Variants in TMPRSS11D observed in about 807,000 individuals in gnomAD.
The protein encoded by TMPRSS11D is transmembrane serine protease 11D, also known as transmembrane protease serine 11D.
A neutral mutation model predicts 44.4 loss-of-function variants in TMPRSS11D; 32 were observed. That is an observed-to-expected ratio of 0.72 (90% confidence interval 0.54 to 0.97). The LOEUF (loss-of-function observed/expected upper bound fraction) is 0.97. Ranked by LOEUF, TMPRSS11D falls within the 50% of genes least tolerant of loss-of-function variation. The pLI is 0.00. For synonymous variants in TMPRSS11D, 179 were observed against 177.9 expected (o/e 1.01, Z -0.05); for missense variants, 446 against 502.6 (o/e 0.89, Z 1.08).
intron 9 of TMPRSS11D, among the ~76,000 whole-genome samples, chr4:67,822,743 A>T (rs1717680736): frequency 6.6e-6 from 1 of 152,188 alleles, no homozygotes; most frequent in Non-Finnish European, 1.5e-5. Context: ...TCAGTCACCG[A>T]GTGGTTGCCT....
Position 67,859,693 on chromosome 4 carries a change from A to G in TMPRSS11D, c.9-15T>C. On this transcript the variant is annotated splice_polypyrimidine_tract_variant and intron_variant, in intron 1 of 9. Coordinates refer to ENST00000283916, the MANE Select transcript of TMPRSS11D (RefSeq NM_004262.3). ...CACGTGCTGGCCTTACAAGAGAGAGAGATCAAAGAAAGTCATTCATTTCAC... is the reference window on the plus strand; with the variant it reads ...CACGTGCTGGCCTTACAAGAGAGAGGGATCAAAGAAAGTCATTCATTTCAC... The G allele has an allele frequency of 5.0e-6, 8 of 1,611,260 alleles. No homozygotes were observed. The highest frequency in any genetic ancestry group is 6.8e-6 in the Non-Finnish European group (8 of 1,178,124).
intron 5 of TMPRSS11D, among the ~76,000 whole-genome samples, chr4:67,836,979 G>A (rs974763969): frequency 2.6e-5 from 4 of 152,024 alleles, no homozygotes; most frequent in Admixed American, 6.6e-5. Context: ...TCCCAAGCAC[G>A]CTGGTCTCTT....
At chr4:67,882,256 A>C (rs1719337455) in intron 1 of TMPRSS11D, among the ~76,000 whole-genome samples, 1 of 152,196 alleles carries the variant, frequency 6.6e-6, no homozygotes, top group South Asian at 2.1e-4. Flanking sequence ...AAATTATGCC[A>C]AAATTACCTA....
intron 4 of TMPRSS11D, among the ~76,000 whole-genome samples, chr4:67,840,890 A>T (rs1206323576): frequency 6.6e-6 from 1 of 152,206 alleles, no homozygotes; most frequent in Non-Finnish European, 1.5e-5. Flanking sequence ...ATAGGAAAAC[A>T]TACTCATTGA....
At chr4:67,828,897 G>T (rs971239657) in intron 7 of TMPRSS11D, among the ~76,000 whole-genome samples, 1 of 152,068 alleles carries the variant, frequency 6.6e-6, no homozygotes, top group East Asian at 1.9e-4. Context: ...AAGGGTCAGT[G>T]AAAAATAACA....
At chr4:67,863,055 T>A (rs1022153515) in intron 1 of TMPRSS11D, among the ~76,000 whole-genome samples, 2 of 147,642 alleles carry the variant, frequency 1.4e-5, no homozygotes, top group Admixed American at 1.4e-4. Flanking sequence ...TAAAAAAATA[T>A]ATATAAAATA....
intron 9 of TMPRSS11D, among the ~76,000 whole-genome samples, chr4:67,823,271 A>G (rs1717697753): frequency 6.6e-6 from 1 of 152,190 alleles, no homozygotes; most frequent in African/African-American, 2.4e-5. Context: ...AGTCATAAGC[A>G]AAACACTCCT....
At chr4:67,872,678 A>C (rs949668423) in intron 1 of TMPRSS11D, among the ~76,000 whole-genome samples, 2 of 152,224 alleles carry the variant, frequency 1.3e-5, no homozygotes, top group East Asian at 3.8e-4. Flanking sequence ...TAACAAAATT[A>C]CCAAGTTTCC....
At chr4:67,882,864 GT>G (rs59700677) in intron 1 of TMPRSS11D, among the ~76,000 whole-genome samples, 15,422 of 151,500 alleles carry the variant, frequency 0.1, 991 homozygotes, top group African/African-American at 0.18. Context: ...TTTGTGATTT[GT>G]TTTTTTCACA....
intron 3 of TMPRSS11D, among the ~76,000 whole-genome samples, chr4:67,844,612 A>G (rs1188104542): frequency 1.3e-5 from 2 of 151,674 alleles, no homozygotes; most frequent in Non-Finnish European, 2.9e-5. Context: ...TGTCTCTCCT[A>G]AAAATACAAA....
intron 1 of TMPRSS11D, among the ~76,000 whole-genome samples, chr4:67,872,098 AT>A: frequency 6.6e-6 from 1 of 152,140 alleles, no homozygotes; most frequent in Admixed American, 6.5e-5. Context: ...CAATGTTAAT[AT>A]TTTTTTCTGA....
At chr4:67,835,049 C>T in intron 6 of TMPRSS11D, 34 bp downstream of exon 6, 1 of 1,602,278 alleles carries the variant, frequency 6.2e-7, no homozygotes, top group Non-Finnish European at 8.5e-7. Context: ...TATGATTTGG[C>T]AAATTACAGT....
At chr4:67,850,665 G>T (rs1252719391) in intron 3 of TMPRSS11D, among the ~76,000 whole-genome samples, 1 of 152,182 alleles carries the variant, frequency 6.6e-6, no homozygotes, top group Non-Finnish European at 1.5e-5. Flanking sequence ...GAGTGCACTT[G>T]GACAGGCAGA....
In TMPRSS11D at chr4:67,851,375, G is replaced by GACTGCACTCCTGTGTA. The variant is rs574251825; in HGVS notation, c.249+2677_249+2692dup. 8.9e-4 allele frequency among the ~76,000 whole-genome samples: 135 copies of GACTGCACTCCTGTGTA among 152,276 alleles called. 4 individuals carry two copies. In the South Asian group the frequency reaches 0.028, roughly 31 times the overall value. On this transcript the variant is annotated intron_variant, in intron 3 of 9. Coordinates refer to ENST00000283916, the MANE Select transcript of TMPRSS11D (RefSeq NM_004262.3). ...AAATTTCACTCATCTCCCAATTTCG[G>GACTGCACTCCTGTGTA]ACTGCACTCCTGTGTAAAGGCAGGC... is the stretch of plus-strand genomic sequence containing the variant.
rs761220582 is a variant in TMPRSS11D at position 67,822,442 on chromosome 4, C to T, written c.1152G>A (p.Val384=). The T allele has an allele frequency of 1.2e-6, 2 of 1,613,908 alleles. No individual in the cohort carries two copies. Among genetic ancestry groups the T allele is most frequent in the Non-Finnish European group, 8.5e-7 (1 of 1,179,898 alleles). ...QEDSRRLWFI[V]GIVSWGDQCG... ...ACTGATCTCCCCAGCTTACTATCCC[C>T]ACAATAAACCAAAGCCGCCGTGAGT... The change falls in exon 10 of 10, where the codon GTG becomes GTA. Residue 384 remains valine (V), a synonymous_variant. Transcript: ENST00000283916.
Position 67,854,335 on chromosome 4 carries a change from T to C in TMPRSS11D, c.131-149A>G, listed in dbSNP as rs1012126577. The C allele has an allele frequency of 6.4e-6, 3 of 470,984 alleles. No homozygotes were observed. In the Admixed American group the frequency reaches 1.3e-4, roughly 20 times the overall value. 29.2% of individuals were successfully genotyped at this position (470,984 alleles called of 1,614,324 possible). On this transcript the variant is annotated intron_variant, in intron 2 of 9. Transcript: ENST00000283916. ...GTTCTATGCTTCAGTGTAATTATGA[T>C]AAAATTATTATCTTTTCAATTTTTA...
At chr4:67,874,958 T>C (rs1448173306) in intron 1 of TMPRSS11D, among the ~76,000 whole-genome samples, 1 of 152,226 alleles carries the variant, frequency 6.6e-6, no homozygotes, top group East Asian at 1.9e-4. Flanking sequence ...AACCCAATAT[T>C]AGTTCTTTGA....
intron 1 of TMPRSS11D, among the ~76,000 whole-genome samples, chr4:67,866,171 A>G (rs984850172): frequency 2.6e-5 from 4 of 151,960 alleles, no homozygotes; most frequent in African/African-American, 9.7e-5. Context: ...GTTTTATTCC[A>G]GGGATGCAAG....
At chr4:67,828,061 T>C (rs2054787) in intron 7 of TMPRSS11D, among the ~76,000 whole-genome samples, 6 of 6,864 alleles carry the variant, frequency 8.7e-4, no homozygotes, top group African/African-American at 1.4e-3. Context: ...TGTGTGTGCA[T>C]ATATATACAT....
Sources: allele counts gnomAD v4.1 joint callset (sites outside exome capture counted in the v4.1 genomes callset), GRCh38; gene constraint gnomAD v4.1.1; transcripts MANE v1.5; gene names NCBI Gene and HGNC (gene_info 2026-07-23, HGNC 2026-07-21).